The following STX7 variants were observed in gnomAD, a reference collection of about 807,000 sequenced individuals.
The protein encoded by STX7 is syntaxin-7.
STX7 carries 34 observed loss-of-function variants against 39.6 expected under a neutral mutation model. That is an observed-to-expected ratio of 0.86 (90% CI 0.65 to 1.14). The LOEUF (loss-of-function observed/expected upper bound fraction) is 1.14, where lower values mean the gene tolerates loss of function less well. Among genes scored for constraint, STX7 ranks in the 50% most tolerant of loss-of-function variants. STX7 has a pLI of 0.00. For missense variants in STX7, 284 were observed against 310.4 expected (o/e 0.92, Z 0.64); for synonymous variants, 119 against 99.1 (o/e 1.20, Z -1.19).
chr6:132,482,505 T>G (rs908517057), intron 2 of STX7, among the ~76,000 whole-genome samples: 1 of 152,182 alleles, frequency 6.6e-6, no homozygotes, highest in Non-Finnish European at 1.5e-5. Flanking sequence ...CTATAGCTAT[T>G]TAGTACAAGA....
At chr6:132,502,457 A>G (rs1775591048) in intron 2 of STX7, among the ~76,000 whole-genome samples, 1 of 152,024 alleles carries the variant, frequency 6.6e-6, no homozygotes, top group African/African-American at 2.4e-5. Context: ...TTACAAACAA[A>G]AAAAAGTAAA....
chr6:132,487,142 T>A (rs113863927), intron 2 of STX7, among the ~76,000 whole-genome samples: 1 of 152,212 alleles, frequency 6.6e-6, no homozygotes, highest in Admixed American at 6.5e-5. Context: ...GGTTTTAAGT[T>A]GTAATTTCAA....
chr6:132,481,021 G>A (rs1775002490), intron 2 of STX7, among the ~76,000 whole-genome samples: 1 of 152,114 alleles, frequency 6.6e-6, no homozygotes, highest in Non-Finnish European at 1.5e-5. Flanking sequence ...AAGAGGAGGA[G>A]CACACAGGAA....
At chr6:132,493,982 A>G (rs2114449196) in intron 2 of STX7, among the ~76,000 whole-genome samples, 1 of 152,342 alleles carries the variant, frequency 6.6e-6, no homozygotes, top group Non-Finnish European at 1.5e-5. Context: ...TTGGAAAATA[A>G]CTAGTCATTA....
intron 3 of STX7, 42 bp downstream of exon 3, chr6:132,475,551 G>C (rs761628510): frequency 7.3e-6 from 10 of 1,365,484 alleles, no homozygotes; most frequent in Admixed American, 1.9e-5. Context: ...AATAGCAATA[G>C]AGTTTTTTCT....
rs114136197 is a variant in STX7, at chr6:132,506,135, G to A, written c.-58-2547C>T. On this transcript the variant is annotated intron_variant, in intron 1 of 9. Transcript: ENST00000367941. The stretch of plus-strand genomic sequence containing the variant: ...AAGACTTAAAAGTAATACCTAAAAC[G>A]ATTAAAATACTAAAAGAAAATATAG... Among the ~76,000 whole-genome samples, 839 of 151,578 alleles carry A rather than the reference G, an allele frequency of 5.5e-3. 7 individuals are homozygous for A. Among genetic ancestry groups the A allele is most frequent in the African/African-American group, 0.019 (799 of 41,356 alleles).
chr6:132,463,995 G>A lies in STX7; in HGVS notation c.691C>T (p.Gln231Ter). The stretch of plus-strand genomic sequence containing the variant: ...AAAATTGATCACAGTTAAATTACCT[G>A]ATAATCTGCTGCCCTTGACAGCTGC... ...NQQLSRAADY[Q>*]RKSRKTLCII... The change falls in exon 9 of 10, where the codon CAG (glutamine) becomes TAG (stop). Residue 231 changes from glutamine (Q) to a stop codon, truncating the protein, a stop_gained and splice_region_variant. Transcript: ENST00000367941. LOFTEE classifies it high-confidence loss of function. 1 of 1,613,968 alleles carries A rather than the reference G, an allele frequency of 6.2e-7. No individual in the cohort carries two copies. Among genetic ancestry groups the A allele is most frequent in the Non-Finnish European group, 8.5e-7 (1 of 1,179,928 alleles).
chr6:132,448,393 G>T lies in STX7; in HGVS notation c.*12365C>A, dbSNP rs1774063333. 1.3e-5 allele frequency: 2 copies of T among 152,044 alleles called. No individual in the cohort carries two copies. The allele number at this position is 152,044 out of a possible 1,614,324, so 9.4% of individuals were successfully genotyped here. On this transcript the variant is annotated 3_prime_UTR_variant, in exon 10 of 10. Transcript: ENST00000367941. ...ATTCTTAAGTGAAAGTCCCTTGTTT[G>T]TAAATTCTCATTTTGAGAAAAAAGT...
intron 9 of STX7, 56 bp from the exon 10 acceptor site, chr6:132,460,906 G>GT: frequency 7.0e-7 from 1 of 1,437,862 alleles, no homozygotes; most frequent in Non-Finnish European, 9.7e-7. Flanking sequence ...ATTTAGTGGA[G>GT]TACCTCTACA....
intron 9 of STX7, chr6:132,461,571 C>T (rs1774400143): frequency 8.7e-6 from 3 of 343,646 alleles, no homozygotes; most frequent in Non-Finnish European, 1.6e-5. Context: ...CGGCCTCCCA[C>T]AGTGCTGGGA....
intron 2 of STX7, among the ~76,000 whole-genome samples, chr6:132,501,910 T>C (rs1467724362): frequency 6.6e-6 from 1 of 150,554 alleles, no homozygotes; most frequent in African/African-American, 2.4e-5. Context: ...GAGGCTCTTC[T>C]GTGGCCACCA....
intron 1 of STX7, among the ~76,000 whole-genome samples, chr6:132,507,752 C>G (rs1158273406): frequency 6.6e-6 from 1 of 152,146 alleles, no homozygotes; most frequent in Non-Finnish European, 1.5e-5. Context: ...TCTCCTTTCC[C>G]TCTATCAAGT....
At chr6:132,485,242 T>C (rs1775105592) in intron 2 of STX7, among the ~76,000 whole-genome samples, 2 of 152,326 alleles carry the variant, frequency 1.3e-5, no homozygotes, top group South Asian at 2.1e-4. Flanking sequence ...TTGCTTTCTG[T>C]ATTTTGCATT....
chr6:132,480,260 G>A (rs778835249), intron 2 of STX7, among the ~76,000 whole-genome samples: 1 of 152,160 alleles, frequency 6.6e-6, no homozygotes, highest in Non-Finnish European at 1.5e-5. Flanking sequence ...TGGACTTCTA[G>A]AATGTTTACG....
chr6:132,446,445 CAA>C lies in STX7; in HGVS notation c.*14311_*14312del, dbSNP rs1379289162. 1 of 152,136 alleles carries C rather than the reference CAA, an allele frequency of 6.6e-6. No homozygotes were observed. The highest frequency in any genetic ancestry group is 1.5e-5 in the Non-Finnish European group (1 of 67,990). The allele number at this position is 152,136 out of a possible 1,614,324, so 9.4% of individuals were successfully genotyped here. ...GAACCACAATTTCTGATTGGGAAAACAAAAGTCTTCCTAGATACAAGAATGAG... is the reference window on the plus strand; with the variant it reads ...GAACCACAATTTCTGATTGGGAAAACAAGTCTTCCTAGATACAAGAATGAG... On this transcript the variant is annotated 3_prime_UTR_variant, in exon 10 of 10. Transcript: ENST00000367941.
chr6:132,481,578 T>C (rs1775016418), intron 2 of STX7, among the ~76,000 whole-genome samples: 1 of 152,210 alleles, frequency 6.6e-6, no homozygotes, highest in Admixed American at 6.5e-5. Context: ...GAAACAATTT[T>C]TTAAGATAAT....
At chr6:132,483,500 T>C (rs1198111901) in intron 2 of STX7, among the ~76,000 whole-genome samples, 1 of 152,220 alleles carries the variant, frequency 6.6e-6, no homozygotes, top group Non-Finnish European at 1.5e-5. Context: ...TTGAAGTTCT[T>C]TGATTCTCAG....
intron 2 of STX7, among the ~76,000 whole-genome samples, chr6:132,499,274 T>C (rs1775492692): frequency 1.3e-5 from 2 of 152,240 alleles, no homozygotes; most frequent in South Asian, 2.1e-4. Flanking sequence ...TAAATATTGA[T>C]TCTCTCATCC....
At chr6:132,471,736 T>A in intron 4 of STX7, 136 bp from the exon 5 acceptor site, 2 of 967,064 alleles carry the variant, frequency 2.1e-6, no homozygotes, top group Non-Finnish European at 3.0e-6. Context: ...TAACTCTCAG[T>A]AACATTCTGA....
Sources: gnomAD v4.1 joint callset for allele counts (sites outside exome capture counted in the v4.1 genomes callset) on GRCh38, gnomAD v4.1.1 for gene constraint, MANE v1.5 for transcripts, NCBI Gene and HGNC (gene_info 2026-07-23, HGNC 2026-07-21) for gene names.